The following SEC23A variants were observed in gnomAD, a reference collection of about 807,000 sequenced individuals.
SEC23A encodes SEC23 homolog A, COPII component.
Under a neutral mutation model 103.7 loss-of-function variants are expected in SEC23A, and 56 were observed. The ratio of observed to expected loss-of-function variants is 0.54; its 90% CI spans 0.44 to 0.67. The LOEUF (loss-of-function observed/expected upper bound fraction) is 0.67, where lower values mean the gene tolerates loss of function less well. SEC23A is among the 30% of genes least tolerant of loss of function. The probability of loss-of-function intolerance (pLI) is 0.00; values close to 1 mark genes in which losing one functional copy is unlikely to be tolerated. For synonymous variants in SEC23A, 281 were observed against 293.0 expected, an observed-to-expected ratio of 0.96 and a Z score of 0.42; for missense variants, 784 against 936.4, an observed-to-expected ratio of 0.84 and a Z score of 2.12.
intron 16 of SEC23A, among the ~76,000 whole-genome samples, chr14:39,043,311 T>C (rs540643077): frequency 3.3e-5 from 5 of 152,302 alleles, no homozygotes; most frequent in African/African-American, 9.6e-5. Flanking sequence ...TTGAAATTTA[T>C]ATTTTATTAC....
At position 39,091,217 on chromosome 14, in the gene SEC23A, T is replaced by A. The variant is rs191581638; in HGVS notation, c.603+260A>T. 346 of 496,150 alleles carry A rather than the reference T, an allele frequency of 7.0e-4. 1 individual carries two copies. Among genetic ancestry groups the A allele is most frequent in the Non-Finnish European group, 9.4e-4 (263 of 279,892 alleles). 30.7% of individuals were successfully genotyped at this position (496,150 alleles called of 1,614,324 possible). On this transcript the variant is annotated intron_variant, in intron 5 of 19. Transcript: ENST00000307712. ...CTTCAGCATGACTCTTCATAAGCCC[T>A]TCAAATCTCTAGTAAAATACTGTTG...
At chr14:39,069,263 A>G (rs1275454792) in intron 9 of SEC23A, among the ~76,000 whole-genome samples, 27 of 152,202 alleles carry the variant, frequency 1.8e-4, no homozygotes, top group Non-Finnish European at 2.9e-5. Flanking sequence ...AAATGAATTC[A>G]GCGATCCTTT....
intron 7 of SEC23A, among the ~76,000 whole-genome samples, chr14:39,081,079 A>G (rs6571894): frequency 0.93 from 140,951 of 152,086 alleles, 65,422 homozygotes; most frequent in East Asian, 0.97. Flanking sequence ...GCATGGGCCT[A>G]TAGTCCCAGC....
intron 1 of SEC23A, among the ~76,000 whole-genome samples, chr14:39,102,307 C>T (rs1021312292): frequency 1.8e-4 from 28 of 152,230 alleles, no homozygotes; most frequent in African/African-American, 5.8e-4. Context: ...GAAAACTCAA[C>T]ATGCATTTAT....
chr14:39,078,263 A>C (rs1887107870), intron 7 of SEC23A, among the ~76,000 whole-genome samples: 2 of 152,122 alleles, frequency 1.3e-5, no homozygotes, highest in South Asian at 2.1e-4. Flanking sequence ...CTCAAAAAAA[A>C]ACAAAAAGTA....
At chr14:39,059,817 T>C (rs115446243) in intron 13 of SEC23A, among the ~76,000 whole-genome samples, 1,590 of 152,282 alleles carry the variant, frequency 0.01, 23 homozygotes, top group African/African-American at 0.031. Context: ...CATTATCATA[T>C]AGAAAGAGAC....
intron 6 of SEC23A, among the ~76,000 whole-genome samples, chr14:39,086,550 A>G (rs558152440): frequency 5.3e-5 from 8 of 152,150 alleles, no homozygotes; most frequent in Non-Finnish European, 1.0e-4. Context: ...TGAACCTGGG[A>G]GGCGGAAGTT....
chr14:39,051,525 T>G (rs1322057732), intron 14 of SEC23A, among the ~76,000 whole-genome samples: 1 of 152,188 alleles, frequency 6.6e-6, no homozygotes, highest in Non-Finnish European at 1.5e-5. Context: ...GTGCTTACAT[T>G]TTACAAACAT....
intron 14 of SEC23A, among the ~76,000 whole-genome samples, chr14:39,049,737 G>T (rs866091510): frequency 1.2e-4 from 18 of 151,816 alleles, no homozygotes; most frequent in African/African-American, 4.1e-4. Flanking sequence ...CCATGATCGT[G>T]CCACTGCAAG....
intron 14 of SEC23A, among the ~76,000 whole-genome samples, chr14:39,049,743 G>A (rs1329198738): frequency 1.3e-5 from 2 of 151,730 alleles, no homozygotes; most frequent in Non-Finnish European, 2.9e-5. Context: ...TCGTGCCACT[G>A]CAAGCCGGCC....
chr14:39,097,441 A>G (rs1287436415), intron 1 of SEC23A, among the ~76,000 whole-genome samples: 1 of 152,208 alleles, frequency 6.6e-6, no homozygotes, highest in Non-Finnish European at 1.5e-5. Flanking sequence ...AGTTGCTAAG[A>G]GCAATAGTGG....
chr14:39,093,030 A>AT (rs1185905385), intron 3 of SEC23A, 157 bp downstream of exon 3: 3,141 of 503,436 alleles, frequency 6.2e-3, no homozygotes, highest in East Asian at 8.0e-3. Flanking sequence ...CGCCCAGCTA[A>AT]TTTTTTTTTT....
chr14:39,068,638 TA>T (rs1886750358), intron 9 of SEC23A, among the ~76,000 whole-genome samples: 1 of 152,174 alleles, frequency 6.6e-6, no homozygotes, highest in Non-Finnish European at 1.5e-5. Flanking sequence ...GACTGATTTC[TA>T]GGATACAAGT....
At chr14:39,033,403 T>C (rs1885366237) in intron 19 of SEC23A, 75 bp from the exon 20 acceptor site, 5 of 1,002,432 alleles carry the variant, frequency 5.0e-6, no homozygotes, top group Non-Finnish European at 7.7e-6. Flanking sequence ...ATGTTTAAAA[T>C]AGACAAGGAA....
intron 17 of SEC23A, chr14:39,041,426 A>G (rs1885636290): frequency 8.4e-6 from 1 of 119,188 alleles, no homozygotes; most frequent in Non-Finnish European, 1.7e-5. Flanking sequence ...AAAAAAAAAA[A>G]AAAAAAAAGC....
chr14:39,081,054 T>C (rs1191854614), intron 7 of SEC23A, among the ~76,000 whole-genome samples: 1 of 152,062 alleles, frequency 6.6e-6, no homozygotes, highest in Non-Finnish European at 1.5e-5. Context: ...ATTTAAAAAG[T>C]AGCTGGGCAT....
intron 16 of SEC23A, among the ~76,000 whole-genome samples, chr14:39,043,795 G>A (rs984324918): frequency 1.3e-5 from 2 of 152,202 alleles, no homozygotes; most frequent in Non-Finnish European, 2.9e-5. Flanking sequence ...GAGTACTAGT[G>A]AAGACTAGGT....
intron 1 of SEC23A, among the ~76,000 whole-genome samples, chr14:39,102,441 T>G (rs977179626): frequency 2.6e-5 from 4 of 152,218 alleles, no homozygotes; most frequent in Non-Finnish European, 2.9e-5. Flanking sequence ...GTGATTGATG[T>G]AGATTTACTA....
At chr14:39,057,656 C>T (rs983966378) in intron 13 of SEC23A, among the ~76,000 whole-genome samples, 5 of 152,190 alleles carry the variant, frequency 3.3e-5, no homozygotes, top group African/African-American at 7.2e-5. Context: ...GCATGAGCCA[C>T]CGCACTTGGC....
Sources: gnomAD v4.1 joint callset for allele counts (sites outside exome capture counted in the v4.1 genomes callset) on GRCh38, gnomAD v4.1.1 for gene constraint, MANE v1.5 for transcripts, NCBI Gene and HGNC (gene_info 2026-07-23, HGNC 2026-07-21) for gene names.